The following FAM174A variants were observed in gnomAD, a reference collection of about 807,000 sequenced individuals.
The protein encoded by FAM174A is family with sequence similarity 174 member A.
FAM174A carries 14 observed loss-of-function variants against 14.3 expected under a neutral mutation model. The observed-to-expected ratio is 0.98, with a 90% confidence interval of 0.65 to 1.53. The LOEUF is 1.53. Among genes scored for constraint, FAM174A ranks in the 40% most tolerant of loss-of-function variants. The pLI, the probability that FAM174A is intolerant of heterozygous loss-of-function variation, is 0.00. For synonymous variants in FAM174A, 108 were observed against 111.4 expected (o/e 0.97, Z 0.19); for missense variants, 241 against 249.6 (o/e 0.97, Z 0.23).
chr5:100,560,102 A>G (rs1746493067), intron 1 of FAM174A, among the ~76,000 whole-genome samples: 1 of 151,856 alleles, frequency 6.6e-6, no homozygotes, highest in South Asian at 2.1e-4. Context: ...GTCTTTGATG[A>G]TGGTGACGTA....
rs1746531091 is a variant in FAM174A at position 100,561,982 on chromosome 5, T to C, written c.435-72T>C. On this transcript the variant is annotated intron_variant, in intron 1 of 2. Transcript: ENST00000312637. ...TGCTATGTCAGAAACAGAATAATAA[T>C]TTATTTTATAAATAAATATAAACTA... is the stretch of plus-strand genomic sequence containing the variant. The C allele has an allele frequency of 8.1e-6, 7 of 864,512 alleles. No individual in the cohort carries two copies. In the South Asian group the frequency reaches 1.4e-4, roughly 17 times the overall value. 53.6% of individuals were successfully genotyped at this position (864,512 alleles called of 1,614,324 possible). A position where few individuals can be genotyped will look rare whatever the true frequency, so the allele number is the denominator to read the frequency against.
At chr5:100,549,395 A>G (rs187555230) in intron 1 of FAM174A, among the ~76,000 whole-genome samples, 35 of 152,286 alleles carry the variant, frequency 2.3e-4, no homozygotes, top group Admixed American at 3.9e-4. Flanking sequence ...TGTGTTACAT[A>G]CTTTCATATG....
chr5:100,543,939 A>G (rs1265103646), intron 1 of FAM174A, among the ~76,000 whole-genome samples: 1 of 152,192 alleles, frequency 6.6e-6, no homozygotes, highest in Non-Finnish European at 1.5e-5. Context: ...GTGTTATGAC[A>G]TTATTTCCAG....
chr5:100,541,496 G>A (rs967976722), intron 1 of FAM174A, among the ~76,000 whole-genome samples: 22 of 152,030 alleles, frequency 1.4e-4, no homozygotes, highest in South Asian at 1.0e-3. Context: ...ACTCTTAACT[G>A]TGCAGGCAGG....
intron 2 of FAM174A, among the ~76,000 whole-genome samples, chr5:100,569,753 G>A (rs886210948): frequency 2.6e-5 from 4 of 151,786 alleles, no homozygotes; most frequent in African/African-American, 4.8e-5. Context: ...AAGCTCTGGG[G>A]ATGTATACAA....
chr5:100,578,765 T>A (rs182042643), intron 2 of FAM174A, among the ~76,000 whole-genome samples: 106 of 152,378 alleles, frequency 7.0e-4, no homozygotes, highest in Middle Eastern at 3.4e-3. Context: ...AATGTAATTT[T>A]AAAAATATTT....
intron 1 of FAM174A, among the ~76,000 whole-genome samples, chr5:100,542,241 A>C (rs1746070640): frequency 6.6e-6 from 1 of 152,224 alleles, no homozygotes; most frequent in African/African-American, 2.4e-5. Context: ...ATGTATAGCC[A>C]GCCAACTTCT....
chr5:100,537,973 A>G (rs1040434907), intron 1 of FAM174A, among the ~76,000 whole-genome samples: 8 of 152,210 alleles, frequency 5.3e-5, no homozygotes, highest in African/African-American at 1.9e-4. Context: ...TTGGACAGAT[A>G]CAGTCCTTCC....
At chr5:100,558,369 G>A (rs1333049527) in intron 1 of FAM174A, among the ~76,000 whole-genome samples, 16 of 152,130 alleles carry the variant, frequency 1.1e-4, no homozygotes, top group East Asian at 7.7e-4. Flanking sequence ...TATGTGGTCA[G>A]TTTTGGAATA....
chr5:100,543,583 C>G (rs190489859), intron 1 of FAM174A, among the ~76,000 whole-genome samples: 1 of 152,080 alleles, frequency 6.6e-6, no homozygotes, highest in African/African-American at 2.4e-5. Context: ...TAATTAGCTC[C>G]TTAATCAGAT....
chr5:100,553,008 A>G (rs1460463872), intron 1 of FAM174A, among the ~76,000 whole-genome samples: 20 of 152,072 alleles, frequency 1.3e-4, no homozygotes, highest in Admixed American at 1.2e-3. Context: ...ATTTGTTTCT[A>G]TATTTCCAAA....
At chr5:100,554,496 TA>T (rs1283770382) in intron 1 of FAM174A, among the ~76,000 whole-genome samples, 2 of 151,886 alleles carry the variant, frequency 1.3e-5, no homozygotes, top group Admixed American at 1.3e-4. Flanking sequence ...TTTGTATTTT[TA>T]CTAGAGACAG....
chr5:100,571,670 G>A (rs1051969057), intron 2 of FAM174A, among the ~76,000 whole-genome samples: 40 of 96,962 alleles, frequency 4.1e-4, no homozygotes, highest in African/African-American at 1.9e-3. Context: ...AAGTGTGTGT[G>A]TGTATATATA....
chr5:100,559,521 T>C (rs1463147787), intron 1 of FAM174A, among the ~76,000 whole-genome samples: 1 of 152,170 alleles, frequency 6.6e-6, no homozygotes, highest in East Asian at 1.9e-4. Context: ...GAAGTTCTCC[T>C]GGATAATATC....
At chr5:100,554,662 T>C (rs113098033) in intron 1 of FAM174A, among the ~76,000 whole-genome samples, 3 of 152,260 alleles carry the variant, frequency 2.0e-5, no homozygotes, top group African/African-American at 7.2e-5. Flanking sequence ...TTCTTTTCTT[T>C]GTTTGCTAAT....
chr5:100,582,170 TATC>T (rs1036402063), intron 2 of FAM174A, among the ~76,000 whole-genome samples: 2 of 152,178 alleles, frequency 1.3e-5, no homozygotes, highest in African/African-American at 2.4e-5. Context: ...TTATCAGTAT[TATC>T]ATGGGTTTCA....
In FAM174A at chr5:100,555,421, T is replaced by C. The variant is rs186950494; in HGVS notation, c.435-6633T>C. Among the ~76,000 whole-genome samples the C allele has an allele frequency of 7.9e-4, 121 of 152,332 alleles. 1 individual carries two copies. The highest frequency in any genetic ancestry group is 1.5e-3 in the Non-Finnish European group (101 of 68,032). ...TGTGTGTCTTTATAGCAGCATGTTT[T>C]ATAGTCCTTTGGGTATATACCCAGT... is the stretch of plus-strand genomic sequence containing the variant. On this transcript the variant is annotated intron_variant, in intron 1 of 2. Transcript: ENST00000312637.
At chr5:100,576,761 A>C (rs1323469443) in intron 2 of FAM174A, among the ~76,000 whole-genome samples, 1 of 152,180 alleles carries the variant, frequency 6.6e-6, no homozygotes, top group Non-Finnish European at 1.5e-5. Flanking sequence ...TGTGCTGCTT[A>C]ATATAACTTT....
chr5:100,535,897 C>A lies in FAM174A; in HGVS notation c.367C>A (p.Arg123=). 6.2e-7 allele frequency: 1 copy of A among 1,612,330 alleles called. No individual in the cohort carries two copies. The highest frequency in any genetic ancestry group is 2.2e-5 in the East Asian group (1 of 44,842). The change falls in exon 1 of 3, where the codon CGG becomes AGG. Residue 123 remains arginine, a synonymous_variant. Transcript: ENST00000312637. ...PNPGDKPMTQ[R]ALTVLMVVSG... is the part of the protein sequence containing the mutation. ...CCCTGGCGACAAGCCCATGACCCAG[C>A]GGGCCCTGACCGTGTTGATGGTGGT...
Sources: allele counts gnomAD v4.1 joint callset (sites outside exome capture counted in the v4.1 genomes callset), GRCh38; gene constraint gnomAD v4.1.1; transcripts MANE v1.5; gene names NCBI Gene and HGNC (gene_info 2026-07-23, HGNC 2026-07-21).